PRKN: variants seen among roughly 807,000 people sequenced by gnomAD.
PRKN encodes E3 ubiquitin-protein ligase parkin.
In PRKN, 56 loss-of-function variants were observed where a neutral mutation model predicts 59.5. The ratio of observed to expected loss-of-function variants is 0.94; its 90% CI spans 0.76 to 1.18. The LOEUF (loss-of-function observed/expected upper bound fraction) is 1.18, where lower values mean the gene tolerates loss of function less well. Among genes scored for constraint, PRKN ranks in the 50% most tolerant of loss-of-function variants. The pLI is 0.00. For synonymous variants in PRKN, 250 were observed against 222.1 expected (o/e 1.13, Z -1.12); for missense variants, 657 against 596.4 (o/e 1.10, Z -1.06).
Position 161,413,597 on chromosome 6 carries a change from G to A in PRKN, c.1084-26720C>T, listed in dbSNP as rs1312549203. Reference sequence around the variant, plus strand: ...GTGGGCCAGGAAAGCCTGGGAACTGGGGGTGTTGGCATGAGATGAAGCTCA... The same window carrying A: ...GTGGGCCAGGAAAGCCTGGGAACTGAGGGTGTTGGCATGAGATGAAGCTCA... On this transcript the variant is annotated intron_variant, in intron 9 of 11. Coordinates refer to ENST00000366898, the MANE Select transcript of PRKN (RefSeq NM_004562.3). This position sits in a 1 kb window ranked among gnomAD's most constrained non-coding sequence, Gnocchi z 4.4. Among the ~76,000 whole-genome samples, 1 of 152,124 alleles carries A rather than the reference G, an allele frequency of 6.6e-6. No homozygotes were observed. The highest frequency in any genetic ancestry group is 2.4e-5 in the African/African-American group (1 of 41,422).
intron 1 of PRKN, among the ~76,000 whole-genome samples, chr6:162,618,264 TA>T (rs1225008909): frequency 6.6e-6 from 1 of 152,192 alleles, no homozygotes; most frequent in African/African-American, 2.4e-5. Context: ...TATTCAATCT[TA>T]TCAATGCATG....
At chr6:161,598,839 A>G (rs145834247) in intron 7 of PRKN, among the ~76,000 whole-genome samples, 2 of 152,150 alleles carry the variant, frequency 1.3e-5, no homozygotes, top group African/African-American at 2.4e-5. Flanking sequence ...CCCCAAAGAG[A>G]TATGTTCAAG....
At chr6:161,809,263 G>A (rs1239410068) in intron 6 of PRKN, among the ~76,000 whole-genome samples, 1 of 151,030 alleles carries the variant, frequency 6.6e-6, no homozygotes, top group African/African-American at 2.4e-5. Flanking sequence ...AGGCAGGGGG[G>A]GAAGGGGGAT....
chr6:162,646,167 C>T (rs1033784142), intron 1 of PRKN, among the ~76,000 whole-genome samples: 9 of 152,080 alleles, frequency 5.9e-5, no homozygotes, highest in Non-Finnish European at 1.0e-4. Flanking sequence ...CCACCACACC[C>T]GGCCTAAACT....
At chr6:161,702,471 A>T (rs1786293994) in intron 7 of PRKN, among the ~76,000 whole-genome samples, 1 of 152,132 alleles carries the variant, frequency 6.6e-6, no homozygotes, top group East Asian at 1.9e-4. Context: ...GATTCCACCT[A>T]TATAAGGTCC....
intron 6 of PRKN, among the ~76,000 whole-genome samples, chr6:161,831,853 A>C (rs1220983561): frequency 6.6e-6 from 1 of 152,180 alleles, no homozygotes; most frequent in Non-Finnish European, 1.5e-5. Flanking sequence ...CTACAACACA[A>C]GTCTGTTCCT....
At chr6:161,798,921 C>T (rs371579035) in intron 6 of PRKN, among the ~76,000 whole-genome samples, 7 of 152,304 alleles carry the variant, frequency 4.6e-5, no homozygotes, top group African/African-American at 1.7e-4. Context: ...CTCCCCCACA[C>T]ACTGCCCTCA....
At chr6:161,946,347 AT>A (rs1323060544) in intron 6 of PRKN, among the ~76,000 whole-genome samples, 1 of 151,684 alleles carries the variant, frequency 6.6e-6, no homozygotes, top group Non-Finnish European at 1.5e-5. Context: ...AGAAATAAAG[AT>A]GAAAATAAAT....
At chr6:162,473,238 A>C (rs1347236202) in intron 1 of PRKN, among the ~76,000 whole-genome samples, 1 of 152,182 alleles carries the variant, frequency 6.6e-6, no homozygotes, top group Admixed American at 6.6e-5. Flanking sequence ...AAGCACCATG[A>C]TGTGAAGCAA....
At chr6:161,994,065 A>T (rs759519176) in intron 5 of PRKN, among the ~76,000 whole-genome samples, 6 of 152,200 alleles carry the variant, frequency 3.9e-5, no homozygotes, top group Non-Finnish European at 8.8e-5. Flanking sequence ...TGGGTGGTCA[A>T]ATATCCAAAC....
intron 1 of PRKN, among the ~76,000 whole-genome samples, chr6:162,664,209 C>T (rs1351206592): frequency 6.6e-6 from 1 of 152,166 alleles, no homozygotes; most frequent in African/African-American, 2.4e-5. Flanking sequence ...CATGTCCCTG[C>T]AAAGGACACG....
intron 6 of PRKN, among the ~76,000 whole-genome samples, chr6:161,800,858 A>G (rs1173334617): frequency 6.6e-6 from 1 of 152,168 alleles, no homozygotes; most frequent in Non-Finnish European, 1.5e-5. Context: ...CTAATGTGCC[A>G]TGTTTCCTGC....
At chr6:162,290,230 T>C (rs1781366908) in intron 2 of PRKN, among the ~76,000 whole-genome samples, 1 of 152,120 alleles carries the variant, frequency 6.6e-6, no homozygotes, top group African/African-American at 2.4e-5. Flanking sequence ...AAAACTCCCT[T>C]CTGTCTAACC....
At chr6:162,352,365 T>C (rs1008977002) in intron 2 of PRKN, among the ~76,000 whole-genome samples, 5 of 152,206 alleles carry the variant, frequency 3.3e-5, no homozygotes, top group Admixed American at 3.3e-4. Flanking sequence ...TACTTAAGCA[T>C]ACAACAGAAA....
chr6:162,452,088 T>C (rs1183661107), intron 1 of PRKN, among the ~76,000 whole-genome samples: 1 of 152,162 alleles, frequency 6.6e-6, no homozygotes, highest in Admixed American at 6.5e-5. Flanking sequence ...GGCACAATAT[T>C]ACAGTTCAGG....
At chr6:162,047,531 T>C (rs1267339407) in intron 5 of PRKN, among the ~76,000 whole-genome samples, 16 of 151,952 alleles carry the variant, frequency 1.1e-4, no homozygotes, top group Admixed American at 1.0e-3. Flanking sequence ...CCTTTTATTG[T>C]TATTAGACAC....
At chr6:161,387,684 C>T (rs999339548) in intron 9 of PRKN, among the ~76,000 whole-genome samples, 5 of 152,122 alleles carry the variant, frequency 3.3e-5, no homozygotes, top group Admixed American at 2.0e-4. Context: ...GACTTACTTT[C>T]GTATTAAAAG....
At chr6:162,679,022 T>A (rs945042162) in intron 1 of PRKN, among the ~76,000 whole-genome samples, 10 of 151,420 alleles carry the variant, frequency 6.6e-5, no homozygotes, top group African/African-American at 2.4e-4. Flanking sequence ...GTGACCTGCC[T>A]GCCTTGGCCT....
chr6:162,457,886 C>T (rs1018394267), intron 1 of PRKN, among the ~76,000 whole-genome samples: 5 of 151,654 alleles, frequency 3.3e-5, no homozygotes, highest in Non-Finnish European at 7.4e-5. Flanking sequence ...TTTGGGAGGC[C>T]GAGGTGGGCA....
Sources: gnomAD v4.1 joint callset for allele counts (sites outside exome capture counted in the v4.1 genomes callset) on GRCh38, gnomAD v4.1.1 for gene constraint, Gnocchi (gnomAD v3.1) non-coding constraint, MANE v1.5 for transcripts, NCBI Gene and HGNC (gene_info 2026-07-23, HGNC 2026-07-21) for gene names.